ZP3: variants seen among roughly 807,000 people sequenced by gnomAD.
ZP3 encodes zona pellucida glycoprotein 3.
Under a neutral mutation model 35.6 loss-of-function variants are expected in ZP3, and 21 were observed. The observed-to-expected ratio is 0.59, with a 90% CI of 0.42 to 0.85. ZP3 has a LOEUF of 0.85. ZP3 is among the 40% of genes least tolerant of loss of function. The probability of loss-of-function intolerance (pLI) is 0.00; values close to 1 mark genes in which losing one functional copy is unlikely to be tolerated. For missense variants in ZP3, 437 were observed against 536.5 expected, an observed-to-expected ratio of 0.81 and a Z score of 1.83; for synonymous variants, 207 against 214.5, an observed-to-expected ratio of 0.96 and a Z score of 0.31.
intron 1 of ZP3, among the ~76,000 whole-genome samples, chr7:76,419,218 T>G (rs750103): frequency 0.046 from 7,033 of 152,294 alleles, 238 homozygotes; most frequent in East Asian, 0.14. Flanking sequence ...CTTTATGATT[T>G]GTGCATTATT....
At chr7:76,433,893 T>C in intron 4 of ZP3, 145 bp from the exon 5 acceptor site, 1 of 928,900 alleles carries the variant, frequency 1.1e-6, no homozygotes, top group Non-Finnish European at 1.6e-6. Context: ...GAGACAAGGT[T>C]TCACCATGTT....
At position 76,440,135 on chromosome 7, in the gene ZP3, A is replaced by G. The variant is rs1638133; in HGVS notation, c.832-115A>G. The G allele has an allele frequency of 3.8e-6, 5 of 1,300,238 alleles. No homozygotes were observed. In the South Asian group the frequency reaches 4.3e-5, roughly 11 times the overall value. 80.5% of individuals were successfully genotyped at this position (1,300,238 alleles called of 1,614,324 possible). On this transcript the variant is annotated intron_variant, in intron 5 of 7. Coordinates refer to ENST00000394857, the MANE Select transcript of ZP3 (RefSeq NM_001110354.2). The stretch of plus-strand genomic sequence containing the variant: ...GTGCTGGGATTATAGGTGTGTGCCA[A>G]TGCACCCGGCCCCTTCTCACTCTTT...
chr7:76,409,699 G>C (rs956837719), intron 1 of ZP3: 2 of 152,530 alleles, frequency 1.3e-5, no homozygotes, highest in African/African-American at 4.8e-5. Context: ...CAGAAAAAGG[G>C]CACCCAGGTG....
At chr7:76,398,156 G>C (rs1804701148) in intron 1 of ZP3, among the ~76,000 whole-genome samples, 1 of 151,920 alleles carries the variant, frequency 6.6e-6, no homozygotes, top group Non-Finnish European at 1.5e-5. Context: ...CTGAGGAACG[G>C]GACCCTCTTC....
chr7:76,400,426 G>T, intron 1 of ZP3: 1 of 1,606,238 alleles, frequency 6.2e-7, no homozygotes, highest in Non-Finnish European at 8.5e-7. Flanking sequence ...TTGGCCAAAG[G>T]CAAGGGGCCG....
chr7:76,398,704 C>T, intron 1 of ZP3: 1 of 1,612,176 alleles, frequency 6.2e-7, no homozygotes, highest in Middle Eastern at 1.7e-4. Context: ...GTGGTGCCCA[C>T]ATTATGCTTA....
At chr7:76,425,395 G>A in intron 1 of ZP3, 119 bp downstream of exon 1, 1 of 1,140,390 alleles carries the variant, frequency 8.8e-7, no homozygotes, top group Non-Finnish European at 1.2e-6. Context: ...CTTGTAGGTG[G>A]GGAGGTGGCC....
chr7:76,397,534 C>T (rs1804674729), exon 1 of ZP3: 2 of 1,574,552 alleles, frequency 1.3e-6, no homozygotes, highest in East Asian at 2.3e-5. Context: ...AGAGCGCGCC[C>T]GCGTCCTCGT....
intron 1 of ZP3, among the ~76,000 whole-genome samples, chr7:76,405,431 C>T (rs1439764912): frequency 1.4e-5 from 2 of 142,264 alleles, no homozygotes; most frequent in Non-Finnish European, 3.0e-5. Context: ...ATCCGCCCAC[C>T]TTGGCCTCCC....
At chr7:76,397,749 C>G in exon 1 of ZP3, 1 of 1,613,118 alleles carries the variant, frequency 6.2e-7, no homozygotes, top group South Asian at 1.1e-5. Flanking sequence ...TCGTCACACA[C>G]GGTGCCCCAC....
Position 76,426,654 on chromosome 7 carries a change from C to G in ZP3, c.312+1378C>G, listed in dbSNP as rs117043469. Among the ~76,000 whole-genome samples, 885 of 152,154 alleles carry G rather than the reference C, an allele frequency of 5.8e-3. 4 individuals are homozygous for G. Among genetic ancestry groups the G allele is most frequent in the Non-Finnish European group, 9.8e-3 (663 of 67,990 alleles). On this transcript the variant is annotated intron_variant, in intron 1 of 7. Coordinates refer to ENST00000394857, the MANE Select transcript of ZP3 (RefSeq NM_001110354.2). ...GGGAGCCAGGTGCCTGGCTCCCCCC[C>G]CTTCTGTGAAATGGGCTTTAATAGG...
chr7:76,413,458 G>A (rs1262460609), intron 1 of ZP3, among the ~76,000 whole-genome samples: 1 of 151,602 alleles, frequency 6.6e-6, no homozygotes, highest in African/African-American at 2.4e-5. Context: ...GTAGAGTCAG[G>A]GTTTTGCCAT....
intron 1 of ZP3, chr7:76,397,960 C>T: frequency 1.0e-6 from 1 of 982,568 alleles, no homozygotes; most frequent in South Asian, 1.7e-5. Flanking sequence ...GCCCAGGGTA[C>T]CGCCTCCTTG....
intron 1 of ZP3, among the ~76,000 whole-genome samples, chr7:76,425,820 C>A (rs1338214696): frequency 6.6e-6 from 1 of 151,976 alleles, no homozygotes; most frequent in Non-Finnish European, 1.5e-5. Context: ...AAAAAACTAA[C>A]TGGGGCCTGG....
intron 1 of ZP3, among the ~76,000 whole-genome samples, chr7:76,401,647 C>T (rs375450385): frequency 1.3e-5 from 2 of 152,160 alleles, no homozygotes; most frequent in Admixed American, 6.6e-5. Flanking sequence ...GAACTCCTGA[C>T]CTCAGGTAAT....
chr7:76,440,677 T>C, intron 7 of ZP3, 66 bp downstream of exon 7: 3 of 1,544,458 alleles, frequency 1.9e-6, no homozygotes, highest in Non-Finnish European at 1.7e-6. Flanking sequence ...CCTGCTGTCA[T>C]TTCAGGGTGA....
exon 1 of ZP3, chr7:76,397,637 T>C (rs2115765619): frequency 6.2e-7 from 1 of 1,613,678 alleles, no homozygotes; most frequent in African/African-American, 1.3e-5. Context: ...CAGCAGGATG[T>C]GTCCGGTGCC....
rs141323375 is a variant in ZP3 at position 76,440,619 on chromosome 7, A to G, written c.1060+8A>G. On this transcript the variant is annotated splice_region_variant and intron_variant, in intron 7 of 7. Coordinates refer to ENST00000394857, the MANE Select transcript of ZP3 (RefSeq NM_001110354.2). ...CCCGTAACCGCAGGCATGGTATGTC[A>G]CAGAATGGCCAAGAGGCTGTTCATT... The G allele has an allele frequency of 1.3e-4, 216 of 1,607,720 alleles. No individual in the cohort carries two copies. In the African/African-American group the frequency reaches 2.5e-3, roughly 19 times the overall value.
rs772266862 is a variant in ZP3 at position 76,425,124 on chromosome 7, A to G, written c.160A>G (p.Met54Val). 1.9e-6 allele frequency: 3 copies of G among 1,613,968 alleles called. No individual in the cohort carries two copies. Among genetic ancestry groups the G allele is most frequent in the Admixed American group, 1.7e-5 (1 of 60,012 alleles). Residue 54 changes from methionine (M) to valine (V), a missense_variant, in exon 1 of 8, where the codon ATG becomes GTG. Met to Val is a conservative substitution (Grantham distance 21, BLOSUM62 1). Coordinates refer to ENST00000394857, the MANE Select transcript of ZP3 (RefSeq NM_001110354.2). The stretch of plus-strand genomic sequence containing the variant: ...GTGTCAGGAGGCCACTCTGATGGTC[A>G]TGGTCAGCAAAGACCTTTTTGGCAC... ...VECQEATLMV[M>V]VSKDLFGTGK... is the part of the protein sequence containing the mutation.
Sources: gnomAD v4.1 joint callset for allele counts (sites outside exome capture counted in the v4.1 genomes callset) on GRCh38, gnomAD v4.1.1 for gene constraint, MANE v1.5 for transcripts, NCBI Gene and HGNC (gene_info 2026-07-23, HGNC 2026-07-21) for gene names.